CTNND2: variants seen among roughly 807,000 people sequenced by gnomAD.
CTNND2 encodes catenin delta 2.
A neutral mutation model predicts 144.4 loss-of-function variants in CTNND2; 22 were observed. The observed-to-expected ratio is 0.15, with a 90% CI of 0.11 to 0.22. The LOEUF (loss-of-function observed/expected upper bound fraction) is 0.22, where lower values mean the gene tolerates loss of function less well. Among genes scored for constraint, CTNND2 ranks in the 10% least tolerant of loss-of-function variants. CTNND2 has a pLI of 1.00. For synonymous variants in CTNND2, 751 were observed against 695.6 expected (o/e 1.08, Z -1.25); for missense variants, 1,353 against 1,618.8 (o/e 0.84, Z 2.82).
At chr5:11,264,391 G>C (rs1745232204) in intron 9 of CTNND2, among the ~76,000 whole-genome samples, 1 of 152,174 alleles carries the variant, frequency 6.6e-6, no homozygotes, top group Admixed American at 6.5e-5. Flanking sequence ...CAAACAGTGG[G>C]CCAAATTTGG....
chr5:11,408,731 T>C (rs1191715628), intron 5 of CTNND2, among the ~76,000 whole-genome samples: 1 of 152,074 alleles, frequency 6.6e-6, no homozygotes, highest in Non-Finnish European at 1.5e-5. Flanking sequence ...TTATAAACCA[T>C]TTGTAGGTAA....
intron 3 of CTNND2, among the ~76,000 whole-genome samples, chr5:11,564,474 T>G (rs1371135294): frequency 6.6e-6 from 1 of 152,168 alleles, no homozygotes; most frequent in Non-Finnish European, 1.5e-5. Context: ...GAGGAAATAT[T>G]TTTACACATG....
At chr5:11,711,345 C>T (rs1009142516) in intron 2 of CTNND2, among the ~76,000 whole-genome samples, 1 of 152,216 alleles carries the variant, frequency 6.6e-6, no homozygotes, top group Non-Finnish European at 1.5e-5. Context: ...GCATGAGCCA[C>T]CACGCCGGGC....
chr5:11,854,409 G>A (rs768837944), intron 1 of CTNND2, among the ~76,000 whole-genome samples: 6 of 152,078 alleles, frequency 3.9e-5, no homozygotes, highest in East Asian at 1.9e-4. Flanking sequence ...GCTGGGCACC[G>A]AATCCTAGCC....
At chr5:11,114,788 T>C (rs1580326622) in intron 13 of CTNND2, among the ~76,000 whole-genome samples, 3 of 152,284 alleles carry the variant, frequency 2.0e-5, no homozygotes, top group Admixed American at 2.0e-4. Flanking sequence ...TTCTCAGGCC[T>C]TAAAAAGAAG....
chr5:11,755,312 C>A (rs754072576), intron 1 of CTNND2, among the ~76,000 whole-genome samples: 10 of 151,824 alleles, frequency 6.6e-5, no homozygotes, highest in Non-Finnish European at 1.2e-4. Flanking sequence ...AAAAGTCCAC[C>A]AGTAGCCAGA....
chr5:11,851,338 C>T (rs1481280622), intron 1 of CTNND2, among the ~76,000 whole-genome samples: 1 of 152,104 alleles, frequency 6.6e-6, no homozygotes, highest in African/African-American at 2.4e-5. Context: ...ATTAGAATAA[C>T]ATTTAAATGC....
At chr5:11,210,751 C>G (rs1738546051) in intron 10 of CTNND2, among the ~76,000 whole-genome samples, 1 of 152,144 alleles carries the variant, frequency 6.6e-6, no homozygotes, top group African/African-American at 2.4e-5. Context: ...TTATAAGAGG[C>G]CCACAAATAC....
At chr5:11,374,169 G>C (rs1478722006) in intron 7 of CTNND2, among the ~76,000 whole-genome samples, 1 of 152,056 alleles carries the variant, frequency 6.6e-6, no homozygotes, top group East Asian at 1.9e-4. Flanking sequence ...CTGAAGCTAG[G>C]GAAAAGACCC....
intron 16 of CTNND2, among the ~76,000 whole-genome samples, chr5:11,038,715 A>C (rs1351081939): frequency 1.3e-5 from 2 of 152,204 alleles, no homozygotes; most frequent in Admixed American, 1.3e-4. Context: ...TATTTCTGCC[A>C]CAGATATAAA....
chr5:11,668,967 G>C (rs115558144), intron 2 of CTNND2, among the ~76,000 whole-genome samples: 1 of 152,206 alleles, frequency 6.6e-6, no homozygotes, highest in African/African-American at 2.4e-5. Flanking sequence ...GAGAGTTTTA[G>C]TAGGAAGGGC....
At chr5:11,214,826 TC>T (rs976510944) in intron 10 of CTNND2, among the ~76,000 whole-genome samples, 4 of 152,268 alleles carry the variant, frequency 2.6e-5, no homozygotes, top group Admixed American at 2.6e-4. Context: ...CATGCAGGTG[TC>T]CCCTAAACCT....
intron 1 of CTNND2, among the ~76,000 whole-genome samples, chr5:11,843,682 C>A (rs918858152): frequency 6.6e-6 from 1 of 152,064 alleles, no homozygotes; most frequent in African/African-American, 2.4e-5. Context: ...TACAATAATG[C>A]GACTTATATT....
intron 13 of CTNND2, among the ~76,000 whole-genome samples, chr5:11,111,890 A>G (rs1479713928): frequency 2.7e-5 from 4 of 147,478 alleles, no homozygotes; most frequent in Non-Finnish European, 4.5e-5. Flanking sequence ...TTTGTCGCCC[A>G]GGCTGGAGTG....
Position 11,732,169 on chromosome 5 carries a change from G to A in CTNND2, c.141C>T (p.Thr47=), listed in dbSNP as rs1042500219. The A allele has an allele frequency of 6.2e-7, 1 of 1,613,912 alleles. No homozygotes were observed. The highest frequency in any genetic ancestry group is 1.1e-5 in the South Asian group (1 of 91,066). The stretch of plus-strand genomic sequence containing the variant: ...TGACTGAGGCGAGGATGGCAGAGGT[G>A]GTTTCTGTTTCAGAGCCATCCCCGT... ...TSNGDGSETE[T]TSAILASVKE... Residue 47 remains threonine (T), a synonymous_variant, in exon 2 of 22, where the codon ACC becomes ACT. Transcript: ENST00000304623.
chr5:11,595,256 T>C (rs1376317302), intron 2 of CTNND2, among the ~76,000 whole-genome samples: 1 of 152,130 alleles, frequency 6.6e-6, no homozygotes, highest in Non-Finnish European at 1.5e-5. Flanking sequence ...AGGGGCCTTG[T>C]AGTGACAAGT....
At chr5:11,500,702 C>T (rs1770447265) in intron 3 of CTNND2, among the ~76,000 whole-genome samples, 1 of 152,144 alleles carries the variant, frequency 6.6e-6, no homozygotes, top group Non-Finnish European at 1.5e-5. Context: ...ACACATTGAC[C>T]AGTTTATTAC....
chr5:11,477,096 T>C (rs1767815127), intron 3 of CTNND2, among the ~76,000 whole-genome samples: 1 of 152,196 alleles, frequency 6.6e-6, no homozygotes, highest in South Asian at 2.1e-4. Flanking sequence ...CTGTGTTGAT[T>C]GTCTATTTTG....
chr5:11,565,995 G>GA (rs1349591307), intron 2 of CTNND2, among the ~76,000 whole-genome samples: 1 of 152,108 alleles, frequency 6.6e-6, no homozygotes, highest in African/African-American at 2.4e-5. Context: ...TTCTCATACT[G>GA]AAAAATAGCT....
Sources: gnomAD v4.1 joint callset for allele counts (sites outside exome capture counted in the v4.1 genomes callset) on GRCh38, gnomAD v4.1.1 for gene constraint, MANE v1.5 for transcripts, NCBI Gene and HGNC (gene_info 2026-07-23, HGNC 2026-07-21) for gene names.